The following PNCK variants were observed in gnomAD, a reference collection of about 807,000 sequenced individuals.
The protein encoded by PNCK is pregnancy up-regulated nonubiquitous CaM kinase, also known as calcium/calmodulin-dependent protein kinase type 1B.
Under a neutral mutation model 28.3 loss-of-function variants are expected in PNCK, and 21 were observed. That is an observed-to-expected ratio of 0.74 (90% CI 0.53 to 1.07). The LOEUF (loss-of-function observed/expected upper bound fraction) is 1.07, where lower values mean the gene tolerates loss of function less well. Ranked by LOEUF, PNCK falls within the 50% of genes least tolerant of loss-of-function variation. The pLI is 0.00. For missense variants in PNCK, 250 were observed against 298.3 expected (o/e 0.84, Z 1.19); for synonymous variants, 136 against 125.2 (o/e 1.09, Z -0.58).
chrX:153,671,809 C>T (rs923552649), intron 5 of PNCK, 71 bp downstream of exon 5: 9 of 1,182,543 alleles, frequency 7.6e-6, no homozygotes, highest in Non-Finnish European at 1.0e-5. Flanking sequence ...CCCAGCCGTG[C>T]TCCCGGGAAA....
At position 153,671,506 on chromosome X, in the gene PNCK, A is replaced by G. The variant is rs782430839; in HGVS notation, c.538+43T>C. 3.3e-6 allele frequency: 4 copies of G among 1,210,731 alleles called. No individual in the cohort carries two copies. In the Admixed American group the frequency reaches 8.7e-5, roughly 26 times the overall value. On this transcript the variant is annotated intron_variant, in intron 6 of 11. Coordinates refer to ENST00000340888, the MANE Select transcript of PNCK (RefSeq NM_001366977.1). ...CCTTCCCGGCTGTCTAGGGTCCCCC[A>G]GGCCACCCCACTCCCAGCAAGCCTC...
In PNCK at chrX:153,672,554, C is replaced by T. The variant is rs371109190; in HGVS notation, c.200+12G>A. 110 of 1,201,451 alleles carry T rather than the reference C, an allele frequency of 9.2e-5. No homozygotes were observed. The Middle Eastern group carries it at 1.9e-3, about 21-fold the overall frequency. Reference sequence around the variant, plus strand: ...ACCTATGCCCCGTCCCAGGGCCCCGCGAGGTGCGCACCTACGGAGCACTGC... The same window carrying T: ...ACCTATGCCCCGTCCCAGGGCCCCGTGAGGTGCGCACCTACGGAGCACTGC... On this transcript the variant is annotated intron_variant, in intron 3 of 11. Transcript: ENST00000340888.
upstream of PNCK, among the ~76,000 whole-genome samples, chrX:153,679,842 G>A (rs1557042257): frequency 1.8e-5 from 2 of 110,446 alleles, no homozygotes; most frequent in Admixed American, 9.7e-5. Context: ...AAAGTGCTGG[G>A]ATTACAGGCA....
upstream of PNCK, among the ~76,000 whole-genome samples, chrX:153,677,678 G>A (rs7055802): frequency 0.048 from 3,817 of 79,822 alleles, 217 homozygotes; most frequent in African/African-American, 0.18. Flanking sequence ...TATATAGTGT[G>A]TATATATAGT....
rs781882377 is a variant in PNCK at position 153,672,625 on chromosome X, G to A, written c.141C>T (p.Pro47=). Residue 47 remains proline (P), a synonymous_variant, in exon 3 of 12, where the codon CCC becomes CCT. Coordinates refer to ENST00000340888, the MANE Select transcript of PNCK (RefSeq NM_001366977.1). ...SAHLVALKCI[P]KKALRGKEAL... is the part of the protein sequence containing the mutation. ...CCTCCTTGCCCCGGAGGGCCTTCTTGGGGATGCACTTGAGGGCCACGAGGT... is the reference window on the plus strand; with the variant it reads ...CCTCCTTGCCCCGGAGGGCCTTCTTAGGGATGCACTTGAGGGCCACGAGGT... The A allele has an allele frequency of 8.3e-7, 1 of 1,206,629 alleles. No homozygotes were observed. Among genetic ancestry groups the A allele is most frequent in the Non-Finnish European group, 1.1e-6 (1 of 895,233 alleles).
chrX:153,671,403 C>T (rs782526274), intron 6 of PNCK, 43 bp from the exon 7 acceptor site: 2 of 1,212,069 alleles, frequency 1.7e-6, no homozygotes, highest in Admixed American at 2.2e-5. Context: ...GGCACACACG[C>T]AGCCATGCCG....
upstream of PNCK, among the ~76,000 whole-genome samples, chrX:153,677,157 C>G (rs782076760): frequency 9.0e-6 from 1 of 111,493 alleles, no homozygotes; most frequent in African/African-American, 3.3e-5. Flanking sequence ...AGGCTGATCT[C>G]GAACTCCTGA....
Position 153,670,386 on chromosome X carries a change from G to A in PNCK, c.*7+64C>T, listed in dbSNP as rs782233315. The A allele has an allele frequency of 6.9e-4, 818 of 1,192,274 alleles. 2 individuals are homozygous for A. The African/African-American group carries it at 0.012, about 17-fold the overall frequency. On this transcript the variant is annotated intron_variant, in intron 11 of 11. Transcript: ENST00000340888. ...CACTTAGCTCTTGGCCACATGGAGC[G>A]CCACCACCCTCTAAGCTCTCCAAGG...
At chrX:153,676,723 G>A (rs1222764647), upstream of PNCK, among the ~76,000 whole-genome samples, 6 of 110,287 alleles carry the variant, frequency 5.4e-5, no homozygotes, top group Non-Finnish European at 1.1e-4. Flanking sequence ...AATTAGCCGG[G>A]CATGGTGGCT....
At chrX:153,671,052 C>G (rs1251683632) in intron 8 of PNCK, 26 bp downstream of exon 8, 17 of 1,210,420 alleles carry the variant, frequency 1.4e-5, no homozygotes, top group Non-Finnish European at 1.8e-5. Flanking sequence ...GCATCACCTC[C>G]AAGCACGGGC....
In PNCK at chrX:153,670,005, T is replaced by C. The variant is rs1041424993; in HGVS notation, c.*133A>G. ...GTGCCCCATTCCAACCCCAGCGCCA[T>C]GCGCCACACCCTCAAATCTCAAAAT... On this transcript the variant is annotated 3_prime_UTR_variant, in exon 12 of 12. Transcript: ENST00000340888. 3.5e-6 allele frequency: 1 copy of C among 289,234 alleles called. No homozygotes were observed. Among genetic ancestry groups the C allele is most frequent in the Admixed American group, 4.2e-5 (1 of 24,003 alleles). 23.8% of individuals were successfully genotyped at this position (289,234 alleles called of 1,213,427 possible). A position where few individuals can be genotyped will look rare whatever the true frequency, so the allele number is the denominator to read the frequency against.
Position 153,670,440 on chromosome X carries a change from C to G in PNCK, c.*7+10G>C. 1 of 1,211,338 alleles carries G rather than the reference C, an allele frequency of 8.3e-7. No individual in the cohort carries two copies. The highest frequency in any genetic ancestry group is 1.1e-6 in the Non-Finnish European group (1 of 895,445). On this transcript the variant is annotated intron_variant, in intron 11 of 11. Coordinates refer to ENST00000340888, the MANE Select transcript of PNCK (RefSeq NM_001366977.1). ...CAGCTCCTGGGCGTGCAGGGTCCAC[C>G]CAAACACACCTGGGCATCACCACTT...
At chrX:153,679,566 CTTTTT>C (rs1211891003), upstream of PNCK, among the ~76,000 whole-genome samples, 3 of 46,073 alleles carry the variant, frequency 6.5e-5, no homozygotes, top group African/African-American at 2.8e-4. Flanking sequence ...CTTTTCTTTT[CTTTTT>C]TTTTTTTTTT....
Position 153,671,303 on chromosome X carries a change from C to T in PNCK, c.596G>A (p.Gly199Asp). ...YGKAVDVWALGVISYILLCGY... is the reference protein window; with the variant it reads ...YGKAVDVWALDVISYILLCGY... ...CACTCACAGGATGTAGGAGATGACG[C>T]CCAGGGCCCACACATCTACGGCCTT... is the stretch of plus-strand genomic sequence containing the variant. Residue 199 changes from glycine (G) to aspartate (D), a missense_variant, in exon 7 of 12, where the codon GGC becomes GAC. Physicochemically the swap from Gly to Asp is moderately conservative, Grantham distance 94 (BLOSUM62 -1). Transcript: ENST00000340888. 2.5e-6 allele frequency: 3 copies of T among 1,210,470 alleles called. No homozygotes were observed. Among genetic ancestry groups the T allele is most frequent in the Non-Finnish European group, 3.4e-6 (3 of 894,537 alleles).
chrX:153,673,225 C>A (rs894043499), intron 1 of PNCK, 147 bp from the exon 2 acceptor site: 3 of 1,198,271 alleles, frequency 2.5e-6, no homozygotes, highest in Non-Finnish European at 3.4e-6. Flanking sequence ...TCCACACCCC[C>A]AGACGGACGC....
In PNCK at chrX:153,672,554, C is replaced by A. The variant is rs371109190; in HGVS notation, c.200+12G>T. On this transcript the variant is annotated intron_variant, in intron 3 of 11. Coordinates refer to ENST00000340888, the MANE Select transcript of PNCK (RefSeq NM_001366977.1). The stretch of plus-strand genomic sequence containing the variant: ...ACCTATGCCCCGTCCCAGGGCCCCG[C>A]GAGGTGCGCACCTACGGAGCACTGC... The A allele has an allele frequency of 3.1e-5, 37 of 1,201,397 alleles. No individual in the cohort carries two copies. The highest frequency in any genetic ancestry group is 4.4e-5 in the Admixed American group (2 of 45,720).
At chrX:153,671,714 A>G in intron 5 of PNCK, 42 bp from the exon 6 acceptor site, 1 of 1,169,030 alleles carries the variant, frequency 8.6e-7, no homozygotes, top group Non-Finnish European at 1.1e-6. Flanking sequence ...GTCAGTCCTG[A>G]CGCGGTGCCG....
At chrX:153,684,718 C>G (rs1557042897) in intron 1 of PNCK, among the ~76,000 whole-genome samples, 1 of 111,252 alleles carries the variant, frequency 9.0e-6, no homozygotes, top group Admixed American at 9.5e-5. Flanking sequence ...GGCCCCTCAC[C>G]CAGCCCCTCC....
intron 1 of PNCK, among the ~76,000 whole-genome samples, chrX:153,685,612 C>A: frequency 8.9e-6 from 1 of 112,541 alleles, no homozygotes; most frequent in East Asian, 2.8e-4. Flanking sequence ...GTGGGCCCCG[C>A]GTGGAGGGAA....
Sources: gnomAD v4.1 joint callset for allele counts (sites outside exome capture counted in the v4.1 genomes callset) on GRCh38, gnomAD v4.1.1 for gene constraint, MANE v1.5 for transcripts, NCBI Gene and HGNC (gene_info 2026-07-23, HGNC 2026-07-21) for gene names.